LNX1: variants seen among roughly 807,000 people sequenced by gnomAD.
LNX1 encodes E3 ubiquitin-protein ligase LNX.
A neutral mutation model predicts 68.4 loss-of-function variants in LNX1; 54 were observed. The observed-to-expected ratio is 0.79, with a 90% CI of 0.63 to 0.99. The LOEUF is 0.99. Ranked by LOEUF, LNX1 falls within the 50% of genes least tolerant of loss-of-function variation. The pLI is 0.00. For missense variants in LNX1, 906 were observed against 926.4 expected, an observed-to-expected ratio of 0.98 and a Z score of 0.29; for synonymous variants, 336 against 350.0, an observed-to-expected ratio of 0.96 and a Z score of 0.45.
intron 5 of LNX1, among the ~76,000 whole-genome samples, chr4:53,496,977 A>G (rs1402055148): frequency 6.6e-6 from 1 of 152,120 alleles, no homozygotes; most frequent in Non-Finnish European, 1.5e-5. Context: ...GTGTGTGCGG[A>G]TGGGAATGTG....
At chr4:53,582,755 A>AT (rs1731916696) in intron 1 of LNX1, among the ~76,000 whole-genome samples, 1 of 151,734 alleles carries the variant, frequency 6.6e-6, no homozygotes, top group South Asian at 2.1e-4. Context: ...TAAAATTTGG[A>AT]TTAAGCTCCA....
At chr4:53,565,048 C>A (rs1323558424) in intron 2 of LNX1, among the ~76,000 whole-genome samples, 2 of 152,098 alleles carry the variant, frequency 1.3e-5, no homozygotes, top group Non-Finnish European at 2.9e-5. Flanking sequence ...GATCAAACTG[C>A]AAGGTGGCAG....
In LNX1 at chr4:53,610,715, G is replaced by GA. The variant is rs10553873; in HGVS notation, c.-215+5801dup. ...AGAGCAAGACTCCCGTCTCAAAGAG[G>GA]AAAAAAAAAAAAAAAAAAGAAATAA... On this transcript the variant is annotated intron_variant, in intron 2 of 3. Transcript: ENST00000504299. Among the ~76,000 whole-genome samples, 214 of 112,532 alleles carry GA rather than the reference G, an allele frequency of 1.9e-3. 3 individuals are homozygous for GA. The highest frequency in any genetic ancestry group is 5.4e-3 in the African/African-American group (161 of 29,724). The allele number at this position is 112,532 out of a possible 152,430, so 73.8% of individuals were successfully genotyped here.
chr4:53,465,566 A>G (rs1467950185), intron 9 of LNX1, among the ~76,000 whole-genome samples: 1 of 152,234 alleles, frequency 6.6e-6, no homozygotes, highest in Non-Finnish European at 1.5e-5. Context: ...ATGCAACTGC[A>G]CCAGCATAAC....
At chr4:53,551,578 C>G (rs747091004) in intron 2 of LNX1, among the ~76,000 whole-genome samples, 5 of 152,148 alleles carry the variant, frequency 3.3e-5, no homozygotes, top group African/African-American at 1.2e-4. Context: ...ACGCTCACCC[C>G]CCAAGTGCCT....
intron 9 of LNX1, among the ~76,000 whole-genome samples, chr4:53,471,365 T>G (rs1723165072): frequency 6.6e-6 from 1 of 152,168 alleles, no homozygotes; most frequent in African/African-American, 2.4e-5. Context: ...GACTTATATG[T>G]GAGACCTAAA....
At chr4:53,627,262 T>C (rs1734111858) in intron 1 of LNX1, among the ~76,000 whole-genome samples, 1 of 152,238 alleles carries the variant, frequency 6.6e-6, no homozygotes, top group African/African-American at 2.4e-5. Flanking sequence ...GGAGGTTCCC[T>C]GTTCACTTAA....
chr4:53,462,419 C>T (rs1398433761), intron 9 of LNX1, among the ~76,000 whole-genome samples: 1 of 151,994 alleles, frequency 6.6e-6, no homozygotes, highest in Non-Finnish European at 1.5e-5. Context: ...TCCAGGATGA[C>T]GTTGTTGACC....
intron 1 of LNX1, among the ~76,000 whole-genome samples, chr4:53,627,587 T>G (rs372924994): frequency 7.9e-5 from 12 of 152,278 alleles, no homozygotes; most frequent in Admixed American, 4.6e-4. Context: ...TCCTGTCAAA[T>G]GAAAGAAAAG....
Position 53,476,906 on chromosome 4 carries a change from C to T in LNX1, c.1739G>A (p.Arg580Lys), listed in dbSNP as rs1307381190. The change falls in exon 9 of 11, where the codon AGA becomes AAA. Residue 580 changes from arginine (R) to lysine (K), a missense_variant. By Grantham distance (26) the Arg-to-Lys change is conservative. Transcript: ENST00000263925. ...TTTGAGTACTATCGAGGATGATGTT[C>T]TTTTCAATAATGCCACTGCCTCACT... Reference protein sequence around the residue: ...SRSEAVALLKRTSSSIVLKAL... With the variant: ...SRSEAVALLKKTSSSIVLKAL... 6.2e-7 allele frequency: 1 copy of T among 1,614,200 alleles called. No homozygotes were observed. The highest frequency in any genetic ancestry group is 8.5e-7 in the Non-Finnish European group (1 of 1,180,042).
intron 1 of LNX1, among the ~76,000 whole-genome samples, chr4:53,636,262 C>T (rs2668528): frequency 0.19 from 26,235 of 139,218 alleles, 2,809 homozygotes; most frequent in Admixed American, 0.31. Context: ...TTGCCTCGGT[C>T]GAGCAAAAAC....
intron 9 of LNX1, among the ~76,000 whole-genome samples, chr4:53,464,602 T>C (rs1488972413): frequency 7.7e-6 from 1 of 129,660 alleles, no homozygotes; most frequent in Non-Finnish European, 1.7e-5. Context: ...TAAATGTCTA[T>C]ATGCATACTT....
chr4:53,473,418 TAGACTAGATAAA>T (rs1250899322), intron 9 of LNX1, among the ~76,000 whole-genome samples: 2 of 152,182 alleles, frequency 1.3e-5, no homozygotes, highest in African/African-American at 4.8e-5. Context: ...CCATCAATGG[TAGACTAGATAAA>T]GAAAATGTGG....
At chr4:53,502,431 G>A (rs916496932) in intron 4 of LNX1, among the ~76,000 whole-genome samples, 1 of 152,158 alleles carries the variant, frequency 6.6e-6, no homozygotes, top group East Asian at 1.9e-4. Context: ...TTTTTAAAAT[G>A]TACATATCTC....
At chr4:53,544,846 A>G (rs1728996194) in intron 2 of LNX1, among the ~76,000 whole-genome samples, 1 of 152,228 alleles carries the variant, frequency 6.6e-6, no homozygotes, top group African/African-American at 2.4e-5. Flanking sequence ...TGACATCATA[A>G]CAGAGAAGTT....
chr4:53,508,642 G>A (rs1318457908), intron 2 of LNX1, among the ~76,000 whole-genome samples: 1 of 152,162 alleles, frequency 6.6e-6, no homozygotes, highest in Non-Finnish European at 1.5e-5. Flanking sequence ...TGTTCCCAGA[G>A]CACTGAACGT....
At chr4:53,498,985 A>C (rs1397301363) in intron 4 of LNX1, 142 bp from the exon 5 acceptor site, 3 of 672,260 alleles carry the variant, frequency 4.5e-6, no homozygotes, top group East Asian at 2.7e-5. Flanking sequence ...CCTCTGTGTC[A>C]ATGTAAGTTT....
chr4:53,568,462 A>C (rs1223231621), intron 2 of LNX1, among the ~76,000 whole-genome samples: 1 of 152,120 alleles, frequency 6.6e-6, no homozygotes, highest in African/African-American at 2.4e-5. Flanking sequence ...CATGCTAAAA[A>C]CTCTCAATAA....
intron 1 of LNX1, among the ~76,000 whole-genome samples, chr4:53,583,651 A>T (rs1001019221): frequency 2.2e-4 from 33 of 152,204 alleles, no homozygotes; most frequent in Non-Finnish European, 4.3e-4. Flanking sequence ...ATACATCTGG[A>T]GTCAATAAAG....
Sources: gnomAD v4.1 joint callset for allele counts (sites outside exome capture counted in the v4.1 genomes callset) on GRCh38, gnomAD v4.1.1 for gene constraint, MANE v1.5 for transcripts, NCBI Gene and HGNC (gene_info 2026-07-23, HGNC 2026-07-21) for gene names.